LARP4: variants seen among roughly 807,000 people sequenced by gnomAD.
LARP4 encodes the protein La ribonucleoprotein 4.
A neutral mutation model predicts 92.9 loss-of-function variants in LARP4; 29 were observed. The observed-to-expected ratio is 0.31, with a 90% CI of 0.23 to 0.43. LARP4 has a LOEUF of 0.43. LARP4 is among the 20% of genes least tolerant of loss of function. The probability of loss-of-function intolerance (pLI) is 1.00; values close to 1 mark genes in which losing one functional copy is unlikely to be tolerated. For missense variants in LARP4, 732 were observed against 860.0 expected (o/e 0.85, Z 1.86); for synonymous variants, 279 against 284.1 (o/e 0.98, Z 0.18).
chr12:50,476,093 C>T lies in LARP4; in HGVS notation c.*229C>T, dbSNP rs1350699434. On this transcript the variant is annotated 3_prime_UTR_variant, in exon 16 of 16. Transcript: ENST00000398473. ...CAATATAAATATATATATATATATA[C>T]ACACACATATATAAAAAGTATAATT... The T allele has an allele frequency of 2.5e-4, 52 of 208,578 alleles. No individual in the cohort carries two copies. Among genetic ancestry groups the T allele is most frequent in the South Asian group, 8.7e-4 (5 of 5,728 alleles). The allele number at this position is 208,578 out of a possible 1,614,324, so 12.9% of individuals were successfully genotyped here.
chr12:50,458,786 G>A (rs1954804895), intron 10 of LARP4, among the ~76,000 whole-genome samples: 1 of 152,124 alleles, frequency 6.6e-6, no homozygotes, highest in Non-Finnish European at 1.5e-5. Context: ...TCTGTTGTAA[G>A]CTTTTAGGAA....
chr12:50,440,399 T>C (rs1006947966), intron 6 of LARP4, 40 bp from the exon 7 acceptor site: 3 of 1,398,584 alleles, frequency 2.1e-6, no homozygotes, highest in Admixed American at 1.7e-5. Context: ...CAATTATTGA[T>C]GTATTTTTTA....
At chr12:50,474,209 G>A in intron 15 of LARP4, 42 bp downstream of exon 15, 2 of 1,430,060 alleles carry the variant, frequency 1.4e-6, no homozygotes. Flanking sequence ...AAATACAATA[G>A]ATTAGATTTT....
At chr12:50,473,332 A>G in intron 13 of LARP4, 83 bp from the exon 14 acceptor site, 1 of 995,680 alleles carries the variant, frequency 1.0e-6, no homozygotes. Context: ...GATGTTGACC[A>G]TCTTCTCTTG....
chr12:50,456,088 C>G (rs74439836), intron 10 of LARP4, among the ~76,000 whole-genome samples: 939 of 152,192 alleles, frequency 6.2e-3, no homozygotes, highest in Non-Finnish European at 9.4e-3. Flanking sequence ...CCCGCTCCCC[C>G]CTCCAAAAAA....
intron 1 of LARP4, chr12:50,402,878 T>A (rs77850552): frequency 2.3e-6 from 1 of 439,568 alleles, no homozygotes; most frequent in Admixed American, 2.6e-5. Flanking sequence ...CCATTAATCA[T>A]TTTCTTTGTG....
chr12:50,460,672 G>A (rs891484481), intron 10 of LARP4, among the ~76,000 whole-genome samples: 3 of 152,030 alleles, frequency 2.0e-5, no homozygotes, highest in Admixed American at 2.0e-4. Context: ...CTGGCACGGT[G>A]GCTCACACCT....
At chr12:50,430,661 T>A in intron 4 of LARP4, 91 bp downstream of exon 4, 1 of 442,704 alleles carries the variant, frequency 2.3e-6, no homozygotes, top group Non-Finnish European at 3.8e-6. Flanking sequence ...ATTTAACTAA[T>A]TTTTTTTTTT....
At chr12:50,464,456 A>G (rs1050735540) in intron 12 of LARP4, among the ~76,000 whole-genome samples, 2 of 152,246 alleles carry the variant, frequency 1.3e-5, no homozygotes, top group Non-Finnish European at 2.9e-5. Flanking sequence ...AAATGGCACA[A>G]TCTCAGCTCA....
At chr12:50,470,076 T>A (rs374158388) in intron 13 of LARP4, among the ~76,000 whole-genome samples, 18 of 150,362 alleles carry the variant, frequency 1.2e-4, no homozygotes, top group African/African-American at 4.4e-4. Flanking sequence ...AAAAAAAAAA[T>A]AGCTGGGCAT....
At position 50,402,644 on chromosome 12, in the gene LARP4, T is replaced by C. The variant is rs577782712; in HGVS notation, c.18+1616T>C. The C allele has an allele frequency of 6.9e-4, 205 of 295,976 alleles. 5 individuals are homozygous for C. Among genetic ancestry groups the C allele is most frequent in the South Asian group, 5.7e-3 (201 of 35,418 alleles). 18.3% of individuals were successfully genotyped at this position (295,976 alleles called of 1,614,324 possible). Reference sequence around the variant, plus strand: ...ATTGTTTAAACTAGGTCTTCTCCTGTCTCTAAAGCGATACTTAATATGTTT... The same window carrying C: ...ATTGTTTAAACTAGGTCTTCTCCTGCCTCTAAAGCGATACTTAATATGTTT... On this transcript the variant is annotated intron_variant, in intron 1 of 15. Coordinates refer to ENST00000398473, the MANE Select transcript of LARP4 (RefSeq NM_052879.5).
At chr12:50,413,459 A>AT (rs1211055798) in intron 1 of LARP4, among the ~76,000 whole-genome samples, 3 of 152,124 alleles carry the variant, frequency 2.0e-5, no homozygotes, top group Non-Finnish European at 2.9e-5. Flanking sequence ...ACTTTCTAAG[A>AT]TTTTTTCTCC....
intron 1 of LARP4, among the ~76,000 whole-genome samples, chr12:50,426,054 C>T (rs893715160): frequency 6.6e-6 from 1 of 152,144 alleles, no homozygotes; most frequent in Non-Finnish European, 1.5e-5. Flanking sequence ...CCCGCCTCCA[C>T]CCACTGTACC....
chr12:50,460,083 C>T (rs946125043), intron 10 of LARP4, among the ~76,000 whole-genome samples: 11 of 150,872 alleles, frequency 7.3e-5, no homozygotes, highest in South Asian at 2.1e-4. Flanking sequence ...TGCAGTGAGC[C>T]GAGATTGCAC....
At position 50,462,579 on chromosome 12, in the gene LARP4, A is replaced by G; in HGVS notation, c.1335-3A>G. 6.4e-7 allele frequency: 1 copy of G among 1,568,852 alleles called. No individual in the cohort carries two copies. The highest frequency in any genetic ancestry group is 8.7e-7 in the Non-Finnish European group (1 of 1,155,170). On this transcript the variant is annotated splice_polypyrimidine_tract_variant and splice_region_variant and intron_variant, in intron 11 of 15. Transcript: ENST00000398473. ...CCCACCCCCACCTTTTTCTTATTAA[A>G]AGGAGAACTCTCTTCAGAGGTCGAA...
At chr12:50,470,936 A>G (rs144374647) in intron 13 of LARP4, among the ~76,000 whole-genome samples, 1 of 152,224 alleles carries the variant, frequency 6.6e-6, no homozygotes, top group East Asian at 1.9e-4. Flanking sequence ...AATAGTAAAT[A>G]TTTTAGGCTT....
rs140837922 is a variant in LARP4 at position 50,439,927 on chromosome 12, C to T, written c.640-512C>T. ...AAGAGAAGATATGTTTGCACATTAACTAATGTATGTGTTGTAAGCAAAGCA... is the reference window on the plus strand; with the variant it reads ...AAGAGAAGATATGTTTGCACATTAATTAATGTATGTGTTGTAAGCAAAGCA... On this transcript the variant is annotated intron_variant, in intron 6 of 15. Transcript: ENST00000398473. Among the ~76,000 whole-genome samples, 17 of 152,214 alleles carry T rather than the reference C, an allele frequency of 1.1e-4. No individual in the cohort carries two copies. The East Asian group carries it at 3.1e-3, about 28-fold the overall frequency.
chr12:50,453,517 T>A lies in LARP4; in HGVS notation c.862T>A (p.Ser288Thr). ...FAKNGYRLMDSSIYSHPIQTQ... is the reference protein window; with the variant it reads ...FAKNGYRLMDTSIYSHPIQTQ... ...TAAGAATGGTTATCGATTAATGGAT[T>A]CTAGTATCTATAGTCACCCCATTCA... The change falls in exon 9 of 16, where the codon TCT becomes ACT. Residue 288 changes from serine (S) to threonine (T), a missense_variant. Coordinates refer to ENST00000398473, the MANE Select transcript of LARP4 (RefSeq NM_052879.5). 6.2e-7 allele frequency: 1 copy of A among 1,613,286 alleles called. No homozygotes were observed. Among genetic ancestry groups the A allele is most frequent in the Admixed American group, 1.7e-5 (1 of 59,990 alleles).
intron 8 of LARP4, among the ~76,000 whole-genome samples, chr12:50,448,767 T>A (rs945111558): frequency 6.6e-6 from 1 of 152,122 alleles, no homozygotes; most frequent in Non-Finnish European, 1.5e-5. Context: ...TCAGTTGATC[T>A]GCCTGCCTTG....
Sources: gnomAD v4.1 joint callset for allele counts (sites outside exome capture counted in the v4.1 genomes callset) on GRCh38, gnomAD v4.1.1 for gene constraint, MANE v1.5 for transcripts, NCBI Gene and HGNC (gene_info 2026-07-23, HGNC 2026-07-21) for gene names.